UBTD2: variants seen among roughly 807,000 people sequenced by gnomAD.
The protein encoded by UBTD2 is ubiquitin domain-containing protein 2.
UBTD2 carries 9 observed loss-of-function variants against 19.8 expected under a neutral mutation model. The ratio of observed to expected loss-of-function variants is 0.46; its 90% CI spans 0.27 to 0.79. The LOEUF (loss-of-function observed/expected upper bound fraction) is 0.79. UBTD2 is among the 30% of genes least tolerant of loss of function. UBTD2 has a pLI of 0.14. For synonymous variants in UBTD2, 98 were observed against 103.9 expected, an observed-to-expected ratio of 0.94 and a Z score of 0.35; for missense variants, 250 against 300.4, an observed-to-expected ratio of 0.83 and a Z score of 1.24.
rs183544319 is a variant in UBTD2, at chr5:172,228,498, A to T, written c.307+5624T>A. Among the ~76,000 whole-genome samples, 1,433 of 152,254 alleles carry T rather than the reference A, an allele frequency of 9.4e-3. 9 individuals carry two copies. The highest frequency in any genetic ancestry group is 0.015 in the Non-Finnish European group (1,015 of 68,008). On this transcript the variant is annotated intron_variant, in intron 2 of 2. Transcript: ENST00000393792. ...CACTTTGGGAGGCCGAGGCGGGTGG[A>T]TTACTTGAGGTCAGGAGATTGAGAC...
chr5:172,234,397 T>G, intron 1 of UBTD2, 39 bp from the exon 2 acceptor site: 1 of 1,538,408 alleles, frequency 6.5e-7, no homozygotes, highest in Non-Finnish European at 9.0e-7. Context: ...AAACCCAAAA[T>G]TTATAAAATA....
In UBTD2 at chr5:172,211,761, A is replaced by G; in HGVS notation, c.*69T>C. 1 of 1,475,912 alleles carries G rather than the reference A, an allele frequency of 6.8e-7. No homozygotes were observed. Among genetic ancestry groups the G allele is most frequent in the Non-Finnish European group, 9.1e-7 (1 of 1,103,324 alleles). The allele number at this position is 1,475,912 out of a possible 1,614,324, so 91.4% of individuals were successfully genotyped here. A position where few individuals can be genotyped will look rare whatever the true frequency, so the allele number is the denominator to read the frequency against. Reference sequence around the variant, plus strand: ...CAGTGAAATAGATTTCACGCCGCAGAGTAGGAAATGACAACAAGAACCATA... The same window carrying G: ...CAGTGAAATAGATTTCACGCCGCAGGGTAGGAAATGACAACAAGAACCATA... On this transcript the variant is annotated 3_prime_UTR_variant, in exon 3 of 3. Transcript: ENST00000393792.
chr5:172,279,422 G>A (rs1392527216), intron 1 of UBTD2, among the ~76,000 whole-genome samples: 1 of 152,188 alleles, frequency 6.6e-6, no homozygotes, highest in Non-Finnish European at 1.5e-5. Flanking sequence ...GTAGGTGTCT[G>A]TAAGGCTGCT....
rs1214308760 is a variant in UBTD2 at position 172,244,295 on chromosome 5, G to GTTTGTTT, written c.71-9938_71-9937insAAACAAA. Among the ~76,000 whole-genome samples the GTTTGTTT allele has an allele frequency of 1.8e-3, 223 of 126,060 alleles. 10 individuals carry two copies. Among genetic ancestry groups the GTTTGTTT allele is most frequent in the Middle Eastern group, 4.1e-3 (1 of 246 alleles). 82.7% of individuals were successfully genotyped at this position (126,060 alleles called of 152,430 possible). ...CAAGACTGTTTCCCCTTTCCTCCCA[G>GTTTGTTT]TTTTTTTTTTTTTTTTTTGAGACAG... On this transcript the variant is annotated intron_variant, in intron 1 of 2. Transcript: ENST00000393792.
chr5:172,253,290 G>T (rs1755065358), intron 1 of UBTD2, among the ~76,000 whole-genome samples: 2 of 152,122 alleles, frequency 1.3e-5, no homozygotes, highest in African/African-American at 2.4e-5. Flanking sequence ...GAAAGAGAAA[G>T]AAATACTATA....
At chr5:172,227,503 T>TTA (rs1771793260) in intron 2 of UBTD2, among the ~76,000 whole-genome samples, 1 of 146,484 alleles carries the variant, frequency 6.8e-6, no homozygotes, top group African/African-American at 2.5e-5. Flanking sequence ...TTCCTAAGCT[T>TTA]TATGTTTATG....
intron 1 of UBTD2, among the ~76,000 whole-genome samples, chr5:172,249,076 GCTA>G (rs1455448821): frequency 1.3e-5 from 2 of 151,984 alleles, no homozygotes; most frequent in African/African-American, 4.8e-5. Flanking sequence ...CAAAAGTGGG[GCTA>G]CTATTACCAA....
intron 1 of UBTD2, among the ~76,000 whole-genome samples, chr5:172,256,207 C>T (rs1168446311): frequency 6.6e-6 from 1 of 152,104 alleles, no homozygotes; most frequent in Non-Finnish European, 1.5e-5. Context: ...CAAACCAGAA[C>T]ATCAGTAAAG....
intron 1 of UBTD2, among the ~76,000 whole-genome samples, chr5:172,266,666 T>C (rs1340831691): frequency 6.6e-6 from 1 of 152,166 alleles, no homozygotes; most frequent in Non-Finnish European, 1.5e-5. Flanking sequence ...TAGTGCTAAG[T>C]TGCATTTCCA....
chr5:172,234,007 A>T (rs1771958474), intron 2 of UBTD2, 115 bp downstream of exon 2: 1 of 665,504 alleles, frequency 1.5e-6, no homozygotes, highest in Non-Finnish European at 2.3e-6. Context: ...TTGCTACATT[A>T]AAAAAAAAAG....
At chr5:172,238,877 C>T (rs944396980) in intron 1 of UBTD2, among the ~76,000 whole-genome samples, 7 of 152,110 alleles carry the variant, frequency 4.6e-5, no homozygotes, top group African/African-American at 1.7e-4. Context: ...CAAGCAACAG[C>T]TTTAACCGGT....
intron 1 of UBTD2, among the ~76,000 whole-genome samples, chr5:172,262,513 T>TA (rs1755291642): frequency 9.4e-6 from 1 of 106,588 alleles, no homozygotes; most frequent in South Asian, 2.7e-4. Flanking sequence ...AAATGTACAA[T>TA]AAAATCTATC....
chr5:172,275,277 G>A (rs188598378), intron 1 of UBTD2, among the ~76,000 whole-genome samples: 2 of 152,146 alleles, frequency 1.3e-5, no homozygotes, highest in South Asian at 2.1e-4. Flanking sequence ...GGAGGTAACC[G>A]CCCCCATGAT....
intron 2 of UBTD2, 41 bp downstream of exon 2, chr5:172,234,081 T>C (rs752529615): frequency 5.0e-6 from 8 of 1,597,028 alleles, no homozygotes; most frequent in South Asian, 3.3e-5. Context: ...AGAAACAAAG[T>C]TGATTATGTT....
chr5:172,238,316 C>T (rs1772052824), intron 1 of UBTD2, among the ~76,000 whole-genome samples: 1 of 152,134 alleles, frequency 6.6e-6, no homozygotes, highest in African/African-American at 2.4e-5. Context: ...ATCTTTTATT[C>T]CCCAAATTTC....
At chr5:172,215,727 T>A (rs888750476) in intron 2 of UBTD2, among the ~76,000 whole-genome samples, 18 of 152,066 alleles carry the variant, frequency 1.2e-4, no homozygotes, top group African/African-American at 3.9e-4. Context: ...GGGAATGTAA[T>A]AAGAGAGATG....
intron 2 of UBTD2, among the ~76,000 whole-genome samples, chr5:172,224,172 T>G (rs1353217591): frequency 6.6e-6 from 1 of 152,070 alleles, no homozygotes; most frequent in Non-Finnish European, 1.5e-5. Flanking sequence ...CGTCTTGAAT[T>G]GCAATCCCCA....
chr5:172,212,509 A>G (rs17074460), intron 2 of UBTD2, among the ~76,000 whole-genome samples: 3,541 of 152,294 alleles, frequency 0.023, 115 homozygotes, highest in African/African-American at 0.08. Context: ...TGTACTACTA[A>G]TATTATTAAT....
At chr5:172,243,420 T>C (rs970621401) in intron 1 of UBTD2, among the ~76,000 whole-genome samples, 8 of 152,030 alleles carry the variant, frequency 5.3e-5, no homozygotes, top group Admixed American at 2.6e-4. Context: ...AGAAGAGAGA[T>C]GATTTTTCCT....
Sources: allele counts gnomAD v4.1 joint callset (sites outside exome capture counted in the v4.1 genomes callset), GRCh38; gene constraint gnomAD v4.1.1; transcripts MANE v1.5; gene names NCBI Gene and HGNC (gene_info 2026-07-23, HGNC 2026-07-21).